Variants in PIBF1 observed in about 807,000 individuals in gnomAD.
The protein encoded by PIBF1 is progesterone-induced-blocking factor 1.
PIBF1 carries 90 observed loss-of-function variants against 112.5 expected under a neutral mutation model. The ratio of observed to expected loss-of-function variants is 0.80; its 90% CI spans 0.67 to 0.95. The LOEUF (loss-of-function observed/expected upper bound fraction) is 0.95. Among genes scored for constraint, PIBF1 ranks in the 40% least tolerant of loss-of-function variants. The pLI is 0.00. For missense variants in PIBF1, 915 were observed against 852.3 expected (o/e 1.07, Z -0.92); for synonymous variants, 301 against 288.6 (o/e 1.04, Z -0.44).
intron 10 of PIBF1, among the ~76,000 whole-genome samples, chr13:72,872,290 T>C (rs1370988478): frequency 6.6e-6 from 1 of 152,216 alleles, no homozygotes; most frequent in East Asian, 1.9e-4. Context: ...CTGCAGAATT[T>C]TCTGGGTAGT....
intron 5 of PIBF1, among the ~76,000 whole-genome samples, chr13:72,815,038 G>C (rs1199753927): frequency 6.6e-6 from 1 of 152,110 alleles, no homozygotes; most frequent in Non-Finnish European, 1.5e-5. Flanking sequence ...ACTGCAAATG[G>C]GTTCACAGTT....
intron 2 of PIBF1, among the ~76,000 whole-genome samples, chr13:72,787,339 C>T (rs1279835400): frequency 1.3e-5 from 2 of 152,136 alleles, no homozygotes; most frequent in Non-Finnish European, 2.9e-5. Context: ...CAAAGTGCTA[C>T]ACTGTTTCTT....
intron 8 of PIBF1, among the ~76,000 whole-genome samples, chr13:72,830,751 T>C (rs1274041420): frequency 1.3e-5 from 2 of 152,190 alleles, no homozygotes; most frequent in African/African-American, 2.4e-5. Context: ...TTGTTGTGTG[T>C]CTGCCAGGTT....
rs541592985 is a variant in PIBF1 at position 72,879,596 on chromosome 13, G to A, written c.1323-14188G>A. On this transcript the variant is annotated intron_variant, in intron 10 of 17. Coordinates refer to ENST00000326291, the MANE Select transcript of PIBF1 (RefSeq NM_006346.4). ...AGAGAATACAATAATGTAATACCTT[G>A]GGAATAAAAGAATTCCAAGCAGCAA... 2.6e-5 allele frequency among the ~76,000 whole-genome samples: 4 copies of A among 152,274 alleles called. No individual in the cohort carries two copies. The South Asian group carries it at 8.3e-4, about 32-fold the overall frequency.
chr13:72,811,751 G>T (rs2036029402), intron 5 of PIBF1, among the ~76,000 whole-genome samples: 1 of 151,962 alleles, frequency 6.6e-6, no homozygotes, highest in South Asian at 2.1e-4. Flanking sequence ...TCCCTCTCTT[G>T]CCTATACCTC....
At chr13:72,833,520 G>A (rs1432054519) in intron 8 of PIBF1, among the ~76,000 whole-genome samples, 1 of 152,178 alleles carries the variant, frequency 6.6e-6, no homozygotes, top group Non-Finnish European at 1.5e-5. Context: ...CTGCTGGCCT[G>A]CTGGAGTTTG....
intron 16 of PIBF1, among the ~76,000 whole-genome samples, chr13:72,983,682 G>T (rs917127123): frequency 6.6e-6 from 1 of 152,088 alleles, no homozygotes; most frequent in African/African-American, 2.4e-5. Context: ...GGACATTTCA[G>T]CATCCCAAGT....
intron 10 of PIBF1, among the ~76,000 whole-genome samples, chr13:72,890,768 CAAGTT>C (rs1256589139): frequency 6.6e-6 from 1 of 152,122 alleles, no homozygotes; most frequent in Non-Finnish European, 1.5e-5. Flanking sequence ...ATTAGCAAAA[CAAGTT>C]AAGTGGGAGT....
intron 11 of PIBF1, among the ~76,000 whole-genome samples, chr13:72,904,044 G>A: frequency 6.6e-6 from 1 of 151,730 alleles, no homozygotes; most frequent in East Asian, 1.9e-4. Context: ...GAAATGACGG[G>A]AAAATGGAAG....
At chr13:72,894,405 A>G (rs1336995513) in intron 11 of PIBF1, among the ~76,000 whole-genome samples, 1 of 152,100 alleles carries the variant, frequency 6.6e-6, no homozygotes, top group Non-Finnish European at 1.5e-5. Context: ...AAGGAAAAAC[A>G]TACAGAATAG....
At chr13:72,928,614 A>G (rs1310123415) in intron 13 of PIBF1, among the ~76,000 whole-genome samples, 1 of 151,882 alleles carries the variant, frequency 6.6e-6, no homozygotes, top group East Asian at 1.9e-4. Flanking sequence ...TAATTTTTGT[A>G]TTTTTAGTAG....
Position 73,012,897 on chromosome 13 carries a change from G to T in PIBF1, c.2224-2972G>T, listed in dbSNP as rs138351822. Among the ~76,000 whole-genome samples the T allele has an allele frequency of 2.1e-3, 317 of 151,442 alleles. 5 individuals carry two copies. The highest frequency in any genetic ancestry group is 1.1e-3 in the Non-Finnish European group (76 of 67,848). ...ATTAGAAAGAGAAGTAAGAAAGGAA[G>T]AGAAGAAATATTTGAAACAATAATG... On this transcript the variant is annotated intron_variant, in intron 17 of 17. Coordinates refer to ENST00000326291, the MANE Select transcript of PIBF1 (RefSeq NM_006346.4).
At chr13:72,914,028 A>G (rs1024626663) in intron 12 of PIBF1, among the ~76,000 whole-genome samples, 6 of 152,202 alleles carry the variant, frequency 3.9e-5, no homozygotes, top group African/African-American at 1.2e-4. Context: ...AATTTCAAAG[A>G]AGTGAGCACA....
chr13:72,822,684 AGTC>A (rs2036609156), intron 6 of PIBF1, among the ~76,000 whole-genome samples: 1 of 152,248 alleles, frequency 6.6e-6, no homozygotes, highest in African/African-American at 2.4e-5. Flanking sequence ...AAAATGTAGT[AGTC>A]AGTGAATATT....
At chr13:72,859,896 T>C (rs542197734) in intron 10 of PIBF1, among the ~76,000 whole-genome samples, 53 of 152,314 alleles carry the variant, frequency 3.5e-4, no homozygotes, top group African/African-American at 1.2e-3. Flanking sequence ...AAAAGTGCCC[T>C]ATTAGTGCTA....
chr13:72,804,330 A>G (rs1430062619), intron 5 of PIBF1, among the ~76,000 whole-genome samples: 2 of 151,922 alleles, frequency 1.3e-5, no homozygotes, highest in Non-Finnish European at 1.5e-5. Context: ...TATAAATTTT[A>G]TGTGACATGG....
At chr13:72,979,694 C>T (rs1339346823) in intron 16 of PIBF1, among the ~76,000 whole-genome samples, 1 of 152,026 alleles carries the variant, frequency 6.6e-6, no homozygotes, top group African/African-American at 2.4e-5. Context: ...GAGGCCGAGG[C>T]GGGCAGATCA....
At chr13:72,820,799 G>A (rs574124125) in intron 5 of PIBF1, among the ~76,000 whole-genome samples, 1 of 152,146 alleles carries the variant, frequency 6.6e-6, no homozygotes, top group African/African-American at 2.4e-5. Flanking sequence ...TGGAGTTGAT[G>A]ATTGGTTGCA....
chr13:72,904,572 CTG>C (rs958009260), intron 11 of PIBF1, among the ~76,000 whole-genome samples: 1 of 149,370 alleles, frequency 6.7e-6, no homozygotes, highest in African/African-American at 2.5e-5. Context: ...TTTGAAGTAA[CTG>C]AGACTACAGG....
Sources: allele counts gnomAD v4.1 joint callset (sites outside exome capture counted in the v4.1 genomes callset), GRCh38; gene constraint gnomAD v4.1.1; transcripts MANE v1.5; gene names NCBI Gene and HGNC (gene_info 2026-07-23, HGNC 2026-07-21).